Variants in PPP3CB observed in about 807,000 individuals in gnomAD.
PPP3CB encodes the protein protein phosphatase 3 catalytic subunit beta.
A neutral mutation model predicts 66.4 loss-of-function variants in PPP3CB; 8 were observed. That is an observed-to-expected ratio of 0.12 (90% CI 0.07 to 0.22). The LOEUF is 0.22. Among genes scored for constraint, PPP3CB ranks in the 10% least tolerant of loss-of-function variants. The pLI is 1.00. For missense variants in PPP3CB, 319 were observed against 642.5 expected (o/e 0.50, Z 5.44); for synonymous variants, 208 against 221.2 (o/e 0.94, Z 0.53).
chr10:73,439,966 G>A (rs777617243), intron 12 of PPP3CB, 65 bp from the exon 13 acceptor site: 54 of 1,464,250 alleles, frequency 3.7e-5, no homozygotes, highest in Middle Eastern at 3.5e-4. Flanking sequence ...ATATTGTACA[G>A]CAGAAAAGGC....
At chr10:73,450,160 C>T (rs75505947) in intron 10 of PPP3CB, among the ~76,000 whole-genome samples, 7,096 of 152,226 alleles carry the variant, frequency 0.047, 506 homozygotes, top group African/African-American at 0.15. Context: ...TCTCCAATCC[C>T]GCTCTCTTTC....
intron 1 of PPP3CB, among the ~76,000 whole-genome samples, chr10:73,493,151 C>T (rs1430658270): frequency 6.6e-6 from 1 of 151,922 alleles, no homozygotes; most frequent in East Asian, 1.9e-4. Flanking sequence ...TGGCGCGCAC[C>T]TATAATCCCA....
At chr10:73,495,700 C>G (rs1053831731) in intron 1 of PPP3CB, 105 bp downstream of exon 1, 2 of 1,449,376 alleles carry the variant, frequency 1.4e-6, no homozygotes, top group Non-Finnish European at 1.8e-6. Context: ...CAGCCAGTCA[C>G]TCGCCCGCCC....
chr10:73,468,348 T>C (rs535770686), intron 8 of PPP3CB, among the ~76,000 whole-genome samples: 8 of 152,162 alleles, frequency 5.3e-5, no homozygotes, highest in Non-Finnish European at 8.8e-5. Context: ...TTCAATATGT[T>C]GATATAATTA....
intron 1 of PPP3CB, among the ~76,000 whole-genome samples, chr10:73,483,790 A>G (rs531768465): frequency 1.3e-5 from 2 of 152,344 alleles, no homozygotes; most frequent in Non-Finnish European, 2.9e-5. Flanking sequence ...TAACTGTCCA[A>G]ATAGAATTTG....
intron 8 of PPP3CB, among the ~76,000 whole-genome samples, chr10:73,469,699 A>G (rs1360037390): frequency 6.6e-6 from 1 of 152,218 alleles, no homozygotes; most frequent in East Asian, 1.9e-4. Flanking sequence ...TTAATCTTTT[A>G]ACCATCACCT....
Position 73,495,919 on chromosome 10 carries a change from GCCGGGCGGGGTT to G in PPP3CB, c.-42_-31del. ...GGCCCGGGGCTCGGCTAGGCTCTGGGCCGGGCGGGGTTGGGGGCGGGGGCGGCGGCTACCAGA... is the reference window on the plus strand; with the variant it reads ...GGCCCGGGGCTCGGCTAGGCTCTGGGGGGGGCGGGGGCGGCGGCTACCAGA... On this transcript the variant is annotated 5_prime_UTR_variant, in exon 1 of 14. Coordinates refer to ENST00000360663, the MANE Select transcript of PPP3CB (RefSeq NM_021132.4). The G allele has an allele frequency of 9.1e-7, 1 of 1,095,620 alleles. No homozygotes were observed. The highest frequency in any genetic ancestry group is 1.2e-6 in the Non-Finnish European group (1 of 868,414). 67.9% of individuals were successfully genotyped at this position (1,095,620 alleles called of 1,614,324 possible).
In PPP3CB at chr10:73,444,839, T is replaced by C. The variant is rs1279558591; in HGVS notation, c.1269-17A>G. On this transcript the variant is annotated splice_polypyrimidine_tract_variant and intron_variant, in intron 11 of 13. Transcript: ENST00000360663. ...CTCTCCTCCCTATAGCAGAGAGATA[T>C]AACAAATATCAGATACTTCCAACAA... The C allele has an allele frequency of 1.2e-6, 2 of 1,609,904 alleles. No individual in the cohort carries two copies. Among genetic ancestry groups the C allele is most frequent in the East Asian group, 2.2e-5 (1 of 44,846 alleles).
intron 4 of PPP3CB, among the ~76,000 whole-genome samples, chr10:73,472,195 G>A (rs578025045): frequency 6.6e-6 from 1 of 152,214 alleles, no homozygotes; most frequent in East Asian, 1.9e-4. Context: ...AAATAAGTCA[G>A]TCAAATCTCT....
In PPP3CB at chr10:73,464,946, C is replaced by CAA. The variant is rs1211199797; in HGVS notation, c.1108+2605_1108+2606dup. On this transcript the variant is annotated intron_variant, in intron 9 of 13. Coordinates refer to ENST00000360663, the MANE Select transcript of PPP3CB (RefSeq NM_021132.4). ...TGGGCAACTGAATGAGACTGTGCCTCAAAAAAAAAAAAAAAATTAATAAAT... is the reference window on the plus strand; with the variant it reads ...TGGGCAACTGAATGAGACTGTGCCTCAAAAAAAAAAAAAAAAAATTAATAAAT... 1.4e-3 allele frequency among the ~76,000 whole-genome samples: 148 copies of CAA among 103,368 alleles called. 1 individual carries two copies. Among genetic ancestry groups the CAA allele is most frequent in the Non-Finnish European group, 2.6e-3 (123 of 47,394 alleles). 67.8% of individuals were successfully genotyped at this position (103,368 alleles called of 152,430 possible).
At chr10:73,454,850 G>T (rs969400017) in intron 9 of PPP3CB, among the ~76,000 whole-genome samples, 1 of 151,506 alleles carries the variant, frequency 6.6e-6, no homozygotes, top group Non-Finnish European at 1.5e-5. Flanking sequence ...GAGTTTTAGT[G>T]GTTCCAAAAA....
chr10:73,495,724 C>A, intron 1 of PPP3CB, 81 bp downstream of exon 1: 2 of 1,504,774 alleles, frequency 1.3e-6, no homozygotes, highest in Non-Finnish European at 1.8e-6. Flanking sequence ...CGGGCCCACT[C>A]CCGAGGGGAC....
At chr10:73,487,239 T>A (rs2056993800) in intron 1 of PPP3CB, among the ~76,000 whole-genome samples, 1 of 152,066 alleles carries the variant, frequency 6.6e-6, no homozygotes, top group Non-Finnish European at 1.5e-5. Flanking sequence ...TCCACCATTA[T>A]CAAAACCTAT....
At chr10:73,448,077 G>A (rs1017235941) in intron 10 of PPP3CB, among the ~76,000 whole-genome samples, 2 of 152,130 alleles carry the variant, frequency 1.3e-5, no homozygotes, top group African/African-American at 2.4e-5. Flanking sequence ...TCTAATAAAT[G>A]ATTATAAACA....
intron 9 of PPP3CB, among the ~76,000 whole-genome samples, chr10:73,466,691 T>C (rs1206333843): frequency 6.6e-6 from 1 of 152,220 alleles, no homozygotes; most frequent in Non-Finnish European, 1.5e-5. Context: ...GTATTAATTC[T>C]GAATTTCAGA....
rs544963546 is a variant in PPP3CB at position 73,476,383 on chromosome 10, G to A, written c.412-1353C>T. Among the ~76,000 whole-genome samples the A allele has an allele frequency of 2.2e-4, 33 of 152,220 alleles. No homozygotes were observed. In the South Asian group the frequency reaches 5.2e-3, roughly 24 times the overall value. ...TGTAATCCCAGCACTTCGGGAGGCC[G>A]AGGCAGGCAGATCACCTGAGGCCAG... On this transcript the variant is annotated intron_variant, in intron 3 of 13. Transcript: ENST00000360663.
chr10:73,467,510 T>TTG (rs1428774885), intron 9 of PPP3CB, 43 bp downstream of exon 9: 1 of 1,390,590 alleles, frequency 7.2e-7, no homozygotes, highest in Admixed American at 3.0e-5. Context: ...GGAGTAAATG[T>TTG]AACAGTAATA....
chr10:73,453,044 T>G (rs1161912408), intron 10 of PPP3CB, among the ~76,000 whole-genome samples: 1 of 152,214 alleles, frequency 6.6e-6, no homozygotes, highest in Non-Finnish European at 1.5e-5. Flanking sequence ...TTAGCATCAT[T>G]AGAAATCAAA....
intron 2 of PPP3CB, among the ~76,000 whole-genome samples, chr10:73,478,964 C>T (rs1368831538): frequency 6.6e-6 from 1 of 152,170 alleles, no homozygotes; most frequent in Non-Finnish European, 1.5e-5. Context: ...TAACTCAATA[C>T]TTTCTGTTGC....
Sources: gnomAD v4.1 joint callset for allele counts (sites outside exome capture counted in the v4.1 genomes callset) on GRCh38, gnomAD v4.1.1 for gene constraint, MANE v1.5 for transcripts, NCBI Gene and HGNC (gene_info 2026-07-23, HGNC 2026-07-21) for gene names.